The following CCDC102B variants were observed in gnomAD, a reference collection of about 807,000 sequenced individuals.
The protein encoded by CCDC102B is coiled-coil domain containing 102B.
Under a neutral mutation model 57.4 loss-of-function variants are expected in CCDC102B, and 75 were observed. That is an observed-to-expected ratio of 1.31 (90% confidence interval 1.08 to 1.58). CCDC102B has a LOEUF of 1.58. Ranked by LOEUF, CCDC102B falls within the 40% of genes most tolerant of loss-of-function variation. The pLI is 0.00. For missense variants in CCDC102B, 636 were observed against 582.6 expected (o/e 1.09, Z -0.94); for synonymous variants, 206 against 201.9 (o/e 1.02, Z -0.17).
intron 6 of CCDC102B, among the ~76,000 whole-genome samples, chr18:68,925,809 C>A (rs1643362892): frequency 6.6e-6 from 1 of 151,840 alleles, no homozygotes; most frequent in Non-Finnish European, 1.5e-5. Context: ...CATCAAAAAG[C>A]CCCCTGATGA....
chr18:68,888,353 A>G (rs1400211004), intron 5 of CCDC102B, among the ~76,000 whole-genome samples: 2 of 152,184 alleles, frequency 1.3e-5, no homozygotes, highest in East Asian at 1.9e-4. Flanking sequence ...AAACAATCAG[A>G]TTAGTTCAGT....
At chr18:68,992,482 G>C (rs72965159) in intron 6 of CCDC102B, among the ~76,000 whole-genome samples, 5,552 of 152,208 alleles carry the variant, frequency 0.036, 155 homozygotes, top group East Asian at 0.15. Flanking sequence ...GAATCGCCCG[G>C]AAGATTTTCA....
At chr18:68,899,140 T>C (rs1487719722) in intron 6 of CCDC102B, among the ~76,000 whole-genome samples, 1 of 151,988 alleles carries the variant, frequency 6.6e-6, no homozygotes, top group African/African-American at 2.4e-5. Flanking sequence ...ATTTTTATCC[T>C]CTTCATTACA....
At chr18:68,959,617 G>A (rs2049995119) in intron 6 of CCDC102B, among the ~76,000 whole-genome samples, 1 of 152,070 alleles carries the variant, frequency 6.6e-6, no homozygotes, top group Non-Finnish European at 1.5e-5. Context: ...GCCTCAGCAG[G>A]TCTAGAGATG....
intron 6 of CCDC102B, among the ~76,000 whole-genome samples, chr18:68,960,900 G>C (rs1463044874): frequency 6.6e-6 from 1 of 152,076 alleles, no homozygotes; most frequent in Non-Finnish European, 1.5e-5. Flanking sequence ...ATTCCAGACT[G>C]TCTTTCCTAT....
chr18:68,825,061 C>G lies in CCDC102B; in HGVS notation c.-15-11688C>G, dbSNP rs563201183. Among the ~76,000 whole-genome samples the G allele has an allele frequency of 1.2e-4, 18 of 152,266 alleles. No homozygotes were observed. In the East Asian group the frequency reaches 3.5e-3, roughly 29 times the overall value. On this transcript the variant is annotated intron_variant, in intron 1 of 7. Transcript: ENST00000360242. Reference sequence around the variant, plus strand: ...ATCTTTCTCTCTTTCTTGCTGTCCACAAGTTTCATTGTTAGATGCCAAATA... The same window carrying G: ...ATCTTTCTCTCTTTCTTGCTGTCCAGAAGTTTCATTGTTAGATGCCAAATA...
rs1259018035 is a variant in CCDC102B at position 68,962,691 on chromosome 18, G to T, written c.1264-48243G>T. ...AATCATTATCTTCTAAGAGCTTACAGTAAAGTAAATAGGGAAATAAAATTC... is the reference window on the plus strand; with the variant it reads ...AATCATTATCTTCTAAGAGCTTACATTAAAGTAAATAGGGAAATAAAATTC... On this transcript the variant is annotated intron_variant, in intron 6 of 7. Coordinates refer to ENST00000360242, the MANE Select transcript of CCDC102B (RefSeq NM_024781.3). Among the ~76,000 whole-genome samples the T allele has an allele frequency of 2.6e-5, 4 of 151,964 alleles. No homozygotes were observed. The East Asian group carries it at 7.7e-4, about 29-fold the overall frequency.
chr18:68,793,712 T>C (rs1249842735), upstream of CCDC102B, among the ~76,000 whole-genome samples: 7 of 152,178 alleles, frequency 4.6e-5, no homozygotes, highest in Non-Finnish European at 1.0e-4. Context: ...AGCTTTGTGG[T>C]CTTATTCATT....
At chr18:69,035,093 A>G (rs1025408157) in intron 7 of CCDC102B, among the ~76,000 whole-genome samples, 2 of 152,012 alleles carry the variant, frequency 1.3e-5, no homozygotes, top group Non-Finnish European at 2.9e-5. Context: ...TATTTCCCTG[A>G]GATACCCTCA....
chr18:69,056,636 AATAGATAG>A (rs71176933), downstream of CCDC102B, among the ~76,000 whole-genome samples: 1,917 of 122,006 alleles, frequency 0.016, 23 homozygotes, highest in Admixed American at 0.037. Flanking sequence ...ATAGATAGAT[AATAGATAG>A]ATAGATAGAT....
chr18:68,784,987 C>A (rs2035146810), intron 2 of CCDC102B, among the ~76,000 whole-genome samples: 2 of 119,858 alleles, frequency 1.7e-5, no homozygotes, highest in Non-Finnish European at 3.3e-5. Context: ...CTCCCCCCAC[C>A]CCACAACAGT....
intron 6 of CCDC102B, among the ~76,000 whole-genome samples, chr18:68,942,678 C>T (rs1384775980): frequency 1.3e-5 from 2 of 152,008 alleles, no homozygotes; most frequent in African/African-American, 2.4e-5. Flanking sequence ...TCTCCTATCT[C>T]AGTAGATGGA....
Position 68,911,621 on chromosome 18 carries a change from G to A in CCDC102B, c.1263+14193G>A, listed in dbSNP as rs368678067. On this transcript the variant is annotated intron_variant, in intron 6 of 7. Coordinates refer to ENST00000360242, the MANE Select transcript of CCDC102B (RefSeq NM_024781.3). ...CAAAAAATTAGCCGGGCGTGGTGGC[G>A]GGCGCCTGTAGTCCCAGCTACTCGA... Among the ~76,000 whole-genome samples the A allele has an allele frequency of 3.7e-3, 546 of 149,370 alleles. 2 individuals are homozygous for A. The highest frequency in any genetic ancestry group is 5.2e-3 in the Non-Finnish European group (349 of 67,390).
chr18:68,905,531 C>T (rs1191737554), intron 6 of CCDC102B, among the ~76,000 whole-genome samples: 3 of 150,998 alleles, frequency 2.0e-5, no homozygotes, highest in Non-Finnish European at 4.4e-5. Context: ...TAAAATTAAC[C>T]ATTTTAAAGT....
At position 68,769,379 on chromosome 18, in the gene CCDC102B, C is replaced by T. The variant is rs139668724; in HGVS notation, c.-67+52785C>T. Among the ~76,000 whole-genome samples the T allele has an allele frequency of 5.1e-3, 770 of 152,140 alleles. 3 individuals carry two copies. The highest frequency in any genetic ancestry group is 0.017 in the African/African-American group (706 of 41,486). On this transcript the variant is annotated intron_variant, in intron 2 of 3. Coordinates refer to the CCDC102B transcript ENST00000578970. ...CTTCACCTACTTGATCTCATCTAAC[C>T]CTTATTACCTCCCAAAGGCCCCATC...
chr18:68,847,708 A>G (rs111732822), intron 4 of CCDC102B, among the ~76,000 whole-genome samples: 3,082 of 151,930 alleles, frequency 0.02, 99 homozygotes, highest in African/African-American at 0.07. Context: ...ATGTATTAAT[A>G]CATATATGAT....
intron 2 of CCDC102B, among the ~76,000 whole-genome samples, chr18:68,735,292 C>G (rs1173122635): frequency 6.6e-6 from 1 of 152,140 alleles, no homozygotes; most frequent in African/African-American, 2.4e-5. Context: ...CTCCTGACCT[C>G]AGGCGATCTG....
intron 2 of CCDC102B, among the ~76,000 whole-genome samples, chr18:68,734,037 G>A (rs2033017509): frequency 6.6e-6 from 1 of 152,188 alleles, no homozygotes; most frequent in Non-Finnish European, 1.5e-5. Flanking sequence ...GATTTATCAT[G>A]GACAAAGCCA....
rs1306694745 is a variant in CCDC102B at position 69,019,218 on chromosome 18, T to G, written c.1434+8114T>G. On this transcript the variant is annotated intron_variant, in intron 7 of 7. Coordinates refer to ENST00000360242, the MANE Select transcript of CCDC102B (RefSeq NM_024781.3). ...ATCTTTTATGTTTCCAAATGTATTTTGAGCATTTTTTTCTATTTCTGTGAA... is the reference window on the plus strand; with the variant it reads ...ATCTTTTATGTTTCCAAATGTATTTGGAGCATTTTTTTCTATTTCTGTGAA... Among the ~76,000 whole-genome samples the G allele has an allele frequency of 3.3e-5, 5 of 152,120 alleles. No individual in the cohort carries two copies. The South Asian group carries it at 6.2e-4, about 19-fold the overall frequency.
Sources: gnomAD v4.1 joint callset for allele counts (sites outside exome capture counted in the v4.1 genomes callset) on GRCh38, gnomAD v4.1.1 for gene constraint, MANE v1.5 for transcripts, NCBI Gene and HGNC (gene_info 2026-07-23, HGNC 2026-07-21) for gene names.